Variants in SF3B1 observed in about 807,000 individuals in gnomAD.
The protein encoded by SF3B1 is splicing factor 3b subunit 1.
A neutral mutation model predicts 153.8 loss-of-function variants in SF3B1; 12 were observed. That is an observed-to-expected ratio of 0.08 (90% confidence interval 0.05 to 0.13). The LOEUF is 0.13. Among genes scored for constraint, SF3B1 ranks in the 10% least tolerant of loss-of-function variants. SF3B1 has a pLI of 1.00. For synonymous variants in SF3B1, 498 were observed against 525.2 expected, an observed-to-expected ratio of 0.95 and a Z score of 0.71; for missense variants, 513 against 1,606.1, an observed-to-expected ratio of 0.32 and a Z score of 11.63.
At chr2:197,431,341 A>G (rs894369107) in intron 1 of SF3B1, among the ~76,000 whole-genome samples, 15 of 151,858 alleles carry the variant, frequency 9.9e-5, no homozygotes, top group Admixed American at 9.8e-4. Flanking sequence ...GCTGGTCTGG[A>G]ACTCCTAACC....
intron 6 of SF3B1, among the ~76,000 whole-genome samples, chr2:197,413,407 A>AAAATT (rs2085100810): frequency 5.3e-5 from 8 of 152,240 alleles, no homozygotes; most frequent in Admixed American, 4.6e-4. Context: ...CTCTGTCTCA[A>AAAATT]AAATTAAAAT....
Position 197,400,745 on chromosome 2 carries a change from A to G in SF3B1, c.2688T>C (p.Ile896=), listed in dbSNP as rs2084930075. ...TAGTCTGTTCTTGGAAAGCATAAAG[A>G]ATACCATCAATCAGTTGTTCTTCAA... ...HKLEEQLIDG[I]LYAFQEQTTE... is the part of the protein sequence containing the mutation. The change falls in exon 18 of 25, where the codon ATT becomes ATC. Residue 896 remains isoleucine, a synonymous_variant. Transcript: ENST00000335508. The surrounding 1 kb of genome is among the most constrained non-coding windows in gnomAD (Gnocchi z 5.0). 3.1e-6 allele frequency: 5 copies of G among 1,612,028 alleles called. No homozygotes were observed. Among genetic ancestry groups the G allele is most frequent in the Non-Finnish European group, 4.2e-6 (5 of 1,178,506 alleles).
At chr2:197,419,397 G>A (rs2085205978) in intron 4 of SF3B1, 1 of 230,660 alleles carries the variant, frequency 4.3e-6, no homozygotes, top group Non-Finnish European at 8.6e-6. Flanking sequence ...AAGATTCACA[G>A]AGGCACACTA....
At chr2:197,419,500 G>C (rs972877370) in intron 4 of SF3B1, 2 of 219,906 alleles carry the variant, frequency 9.1e-6, no homozygotes, top group South Asian at 1.8e-4. Flanking sequence ...CTATGCTGAA[G>C]ATCATGCCCA....
At position 197,390,451 on chromosome 2, in the gene SF3B1, G is replaced by A. The variant is rs548744654; in HGVS notation, c.*1852C>T. The stretch of plus-strand genomic sequence containing the variant: ...CAGTGAGATTTAAAGTTGCATGGAA[G>A]TACCGCTGAAAACTTCTAACAACAG... On this transcript the variant is annotated 3_prime_UTR_variant, in exon 25 of 25. Coordinates refer to ENST00000335508, the MANE Select transcript of SF3B1 (RefSeq NM_012433.4). 2.0e-5 allele frequency: 3 copies of A among 152,288 alleles called. No homozygotes were observed. In the East Asian group the frequency reaches 5.8e-4, roughly 29 times the overall value. 9.4% of individuals were successfully genotyped at this position (152,288 alleles called of 1,614,324 possible).
Position 197,409,763 on chromosome 2 carries a change from G to T in SF3B1, c.904+7C>A. Reference sequence around the variant, plus strand: ...TCACCCACACACCCATACTCCACTAGAAGTACCTCTCTCTGTTTTGGGGGT... The same window carrying T: ...TCACCCACACACCCATACTCCACTATAAGTACCTCTCTCTGTTTTGGGGGT... On this transcript the variant is annotated splice_region_variant and intron_variant, in intron 7 of 24. Coordinates refer to ENST00000335508, the MANE Select transcript of SF3B1 (RefSeq NM_012433.4). The T allele has an allele frequency of 6.2e-7, 1 of 1,601,428 alleles. No individual in the cohort carries two copies. Among genetic ancestry groups the T allele is most frequent in the Non-Finnish European group, 8.6e-7 (1 of 1,168,564 alleles).
At chr2:197,417,465 C>T (rs1164599500) in intron 5 of SF3B1, among the ~76,000 whole-genome samples, 50 of 150,440 alleles carry the variant, frequency 3.3e-4, no homozygotes, top group Admixed American at 3.2e-3. Context: ...AGGCTGGGTA[C>T]GGTGGCTCAC....
chr2:197,418,533 T>A lies in SF3B1; in HGVS notation c.471A>T (p.Arg157=). Residue 157 remains arginine, a synonymous_variant, in exon 5 of 25, where the codon CGA becomes CGT. Coordinates refer to ENST00000335508, the MANE Select transcript of SF3B1 (RefSeq NM_012433.4). The stretch of plus-strand genomic sequence containing the variant: ...CTTCTTCTTTAGTCAAGTGTTGTTC[T>A]CGCATTACATCCATGTAAGTCCTAG... ...MNARTYMDVM[R]EQHLTKEERE... 1.2e-6 allele frequency: 2 copies of A among 1,612,540 alleles called. No individual in the cohort carries two copies. The highest frequency in any genetic ancestry group is 1.7e-6 in the Non-Finnish European group (2 of 1,178,850).
In SF3B1 at chr2:197,389,864, T is replaced by A. The variant is rs754499792; in HGVS notation, c.*2439A>T. 2 of 151,838 alleles carry A rather than the reference T, an allele frequency of 1.3e-5. No homozygotes were observed. The highest frequency in any genetic ancestry group is 1.5e-5 in the Non-Finnish European group (1 of 67,976). 9.4% of individuals were successfully genotyped at this position (151,838 alleles called of 1,614,324 possible). The stretch of plus-strand genomic sequence containing the variant: ...TACAACAAATTTTAAAAATACAATA[T>A]GAAAAAAATCAAACAGCCAGAGATC... On this transcript the variant is annotated 3_prime_UTR_variant, in exon 25 of 25. Transcript: ENST00000335508.
intron 1 of SF3B1, among the ~76,000 whole-genome samples, chr2:197,427,976 C>T (rs953740213): frequency 6.6e-6 from 1 of 151,904 alleles, no homozygotes; most frequent in African/African-American, 2.4e-5. Context: ...CGAGATCGCA[C>T]CACTGCACTC....
intron 22 of SF3B1, among the ~76,000 whole-genome samples, chr2:197,397,236 G>A (rs1030064400): frequency 2.0e-5 from 3 of 152,078 alleles, no homozygotes; most frequent in Admixed American, 2.0e-4. Flanking sequence ...CCAGGTTGGA[G>A]TGCAGTGGCA....
chr2:197,433,035 C>G (rs547833196), intron 1 of SF3B1, among the ~76,000 whole-genome samples: 1 of 152,068 alleles, frequency 6.6e-6, no homozygotes, highest in African/African-American at 2.4e-5. Context: ...AGCAGCACTG[C>G]CCCAAAAAGC....
Position 197,390,853 on chromosome 2 carries a change from A to T in SF3B1, c.*1450T>A, listed in dbSNP as rs1055836149. ...CCTGACCTCGTGATCCGCCCGCCTC[A>T]GCCTCCCAAAGTGCTGGGATTACAG... is the stretch of plus-strand genomic sequence containing the variant. On this transcript the variant is annotated 3_prime_UTR_variant, in exon 25 of 25. Transcript: ENST00000335508. The T allele has an allele frequency of 6.6e-6, 1 of 152,152 alleles. No individual in the cohort carries two copies. The highest frequency in any genetic ancestry group is 1.5e-5 in the Non-Finnish European group (1 of 68,034). 9.4% of individuals were successfully genotyped at this position (152,152 alleles called of 1,614,324 possible).
At chr2:197,425,829 A>C (rs1027058889) in intron 1 of SF3B1, among the ~76,000 whole-genome samples, 2 of 151,836 alleles carry the variant, frequency 1.3e-5, no homozygotes, top group African/African-American at 2.4e-5. Flanking sequence ...GCAAAACCCT[A>C]TCTCTACAAA....
At chr2:197,395,825 G>C (rs971000322) in intron 23 of SF3B1, among the ~76,000 whole-genome samples, 2 of 152,124 alleles carry the variant, frequency 1.3e-5, no homozygotes, top group African/African-American at 2.4e-5. Flanking sequence ...CAATAGATAA[G>C]AAAAGAGATT....
At chr2:197,406,239 A>G (rs2084991218) in intron 9 of SF3B1, among the ~76,000 whole-genome samples, 1 of 151,684 alleles carries the variant, frequency 6.6e-6, no homozygotes, top group South Asian at 2.1e-4. Flanking sequence ...CCCCATCTCT[A>G]TTTTATATAA....
At position 197,393,206 on chromosome 2, in the gene SF3B1, A is replaced by C. The variant is rs756260947; in HGVS notation, c.3540-18T>G. The C allele has an allele frequency of 1.4e-5, 22 of 1,567,406 alleles. No homozygotes were observed. In the African/African-American group the frequency reaches 2.8e-4, roughly 20 times the overall value. On this transcript the variant is annotated intron_variant, in intron 23 of 24. Coordinates refer to ENST00000335508, the MANE Select transcript of SF3B1 (RefSeq NM_012433.4). ...CAAGGTCTCTACAACGGAAGGGAAAAAAGTCCTTTAAGATGCGGTCTTATA... is the reference window on the plus strand; with the variant it reads ...CAAGGTCTCTACAACGGAAGGGAAACAAGTCCTTTAAGATGCGGTCTTATA...
intron 20 of SF3B1, 145 bp from the exon 21 acceptor site, chr2:197,398,726 G>A (rs1225483049): frequency 6.8e-6 from 5 of 730,698 alleles, no homozygotes; most frequent in Non-Finnish European, 1.1e-5. Flanking sequence ...ATTCTGACCA[G>A]ACTCAGAATC....
In SF3B1 at chr2:197,397,675, T is replaced by C. The variant is rs142308603; in HGVS notation, c.3266+310A>G. Among the ~76,000 whole-genome samples, 192 of 152,192 alleles carry C rather than the reference T, an allele frequency of 1.3e-3. 7 individuals carry two copies. In the East Asian group the frequency reaches 0.036, roughly 29 times the overall value. Reference sequence around the variant, plus strand: ...ACCTAGGCGTGATGGTGCATGCCTGTAGTCCCAGCTACTGGGGAGGCTGAG... The same window carrying C: ...ACCTAGGCGTGATGGTGCATGCCTGCAGTCCCAGCTACTGGGGAGGCTGAG... On this transcript the variant is annotated intron_variant, in intron 22 of 24. Transcript: ENST00000335508.
Sources: gnomAD v4.1 joint callset for allele counts (sites outside exome capture counted in the v4.1 genomes callset) on GRCh38, gnomAD v4.1.1 for gene constraint, Gnocchi (gnomAD v3.1) non-coding constraint, MANE v1.5 for transcripts, NCBI Gene and HGNC (gene_info 2026-07-23, HGNC 2026-07-21) for gene names.